The following RNF213 variants were observed in gnomAD, a reference collection of about 807,000 sequenced individuals.
RNF213 encodes the protein ring finger protein 213.
RNF213 carries 341 observed loss-of-function variants against 514.4 expected under a neutral mutation model. The ratio of observed to expected loss-of-function variants is 0.66; its 90% CI spans 0.61 to 0.73. The LOEUF (loss-of-function observed/expected upper bound fraction) is 0.73. RNF213 is among the 30% of genes least tolerant of loss of function. RNF213 has a pLI of 0.00. For synonymous variants in RNF213, 2,655 were observed against 2,658.2 expected (o/e 1.00, Z 0.04); for missense variants, 5,767 against 6,615.6 (o/e 0.87, Z 4.45).
In RNF213 at chr17:80,382,997, CAG is replaced by C; in HGVS notation, c.13999_14000del (p.Glu4667IlefsTer4). 6.2e-7 allele frequency: 1 copy of C among 1,613,378 alleles called. No homozygotes were observed. The highest frequency in any genetic ancestry group is 8.5e-7 in the Non-Finnish European group (1 of 1,179,400). ...TTTGTAGGGCTTTTAAATTTTGACA[CAG>C]AATTGTCAACTAAAGAAATGAGGAA... On this transcript the variant is annotated frameshift_variant, in exon 58 of 68. Coordinates refer to ENST00000582970, the MANE Select transcript of RNF213 (RefSeq NM_001256071.3). LOFTEE classifies it high-confidence loss of function.
intron 21 of RNF213, 35 bp downstream of exon 21, chr17:80,332,666 G>A: frequency 1.4e-6 from 2 of 1,456,210 alleles, no homozygotes; most frequent in Non-Finnish European, 1.8e-6. Flanking sequence ...GGGGTTTGGA[G>A]GGGCGTCCTG....
Position 80,371,851 on chromosome 17 carries a change from GAAT to G in RNF213, c.12426-18_12426-16del, listed in dbSNP as rs764358749. 5 of 1,193,658 alleles carry G rather than the reference GAAT, an allele frequency of 4.2e-6. No homozygotes were observed. The highest frequency in any genetic ancestry group is 3.8e-6 in the Non-Finnish European group (3 of 799,890). 73.9% of individuals were successfully genotyped at this position (1,193,658 alleles called of 1,614,324 possible). ...ATGTCTCCAGATCTGAGAGAACCAG[GAAT>G]AATATTTCTCTTTCTGCAGCTTTCA... On this transcript the variant is annotated intron_variant, in intron 46 of 67. Transcript: ENST00000582970.
In RNF213 at chr17:80,319,205, C is replaced by T. The variant is rs750386894; in HGVS notation, c.2917C>T (p.Gln973Ter). Reference protein sequence around the residue: ...WRLTKEEPLSQITAYCNSCWD... With the variant: ...WRLTKEEPLS Reference sequence around the variant, plus strand: ...ATTTTTGCAGGAGGAACCCCTCTCCCAGATCACTGCCTACTGCAATAGTTG... The same window carrying T: ...ATTTTTGCAGGAGGAACCCCTCTCCTAGATCACTGCCTACTGCAATAGTTG... Residue 973 changes from glutamine to a stop codon, truncating the protein, a stop_gained, in exon 17 of 68, where the codon CAG becomes TAG. Coordinates refer to ENST00000582970, the MANE Select transcript of RNF213 (RefSeq NM_001256071.3). LOFTEE classifies it high-confidence loss of function. The T allele has an allele frequency of 2.5e-6, 4 of 1,614,102 alleles. No individual in the cohort carries two copies. In the African/African-American group the frequency reaches 5.3e-5, roughly 22 times the overall value.
chr17:80,352,322 C>T (rs1050119342), intron 32 of RNF213: 6 of 210,290 alleles, frequency 2.9e-5, no homozygotes, highest in Non-Finnish European at 4.8e-5. Context: ...TGGGAGGCTG[C>T]GTGCACCTCT....
rs1156945935 is a variant in RNF213, at chr17:80,353,862, G to A, written c.10579-157G>A. On this transcript the variant is annotated intron_variant, in intron 34 of 67. Transcript: ENST00000582970. The surrounding 1 kb of genome is among the most constrained non-coding windows in gnomAD (Gnocchi z 5.0). The stretch of plus-strand genomic sequence containing the variant: ...CAAGGGCATCTGCACCGGCAGTTTG[G>A]GGGGTGCAGGGCGGAGGTCGGCGTC... 3.4e-6 allele frequency: 4 copies of A among 1,193,406 alleles called. No homozygotes were observed. Among genetic ancestry groups the A allele is most frequent in the Non-Finnish European group, 4.8e-6 (4 of 826,936 alleles). The allele number at this position is 1,193,406 out of a possible 1,614,324, so 73.9% of individuals were successfully genotyped here.
intron 20 of RNF213, among the ~76,000 whole-genome samples, chr17:80,330,815 G>A (rs887947009): frequency 6.6e-6 from 1 of 152,178 alleles, no homozygotes; most frequent in East Asian, 1.9e-4. Flanking sequence ...TGGTGTGCTG[G>A]ATGGACCATG....
At chr17:80,332,732 C>T (rs2046450360) in intron 21 of RNF213, 101 bp downstream of exon 21, 2 of 1,337,344 alleles carry the variant, frequency 1.5e-6, no homozygotes, top group African/African-American at 3.0e-5. Flanking sequence ...GGGCGGATGA[C>T]TTAGAGCTTC....
chr17:80,294,830 A>G lies in RNF213; in HGVS notation c.1582A>G (p.Ile528Val), dbSNP rs758918116. Residue 528 changes from isoleucine to valine, a missense_variant, in exon 9 of 68, where the codon ATT becomes GTT. Coordinates refer to ENST00000582970, the MANE Select transcript of RNF213 (RefSeq NM_001256071.3). ...PRKDLVKGKQ[I>V]AAALMLDSTF... The stretch of plus-strand genomic sequence containing the variant: ...GAAGGACCTGGTGAAGGGGAAGCAG[A>G]TTGCCGCTGCGCTCATGCTGGACAG... The G allele has an allele frequency of 1.9e-6, 3 of 1,614,172 alleles. No homozygotes were observed. Among genetic ancestry groups the G allele is most frequent in the Admixed American group, 3.3e-5 (2 of 60,004 alleles).
rs370868819 is a variant in RNF213, at chr17:80,286,205, G to A, written c.262-1610G>A. ...TGGTGGCCTGGGGTTGGTGTCGGAC[G>A]CAGGCCGGTGTTGGACGCAGGCCGA... On this transcript the variant is annotated intron_variant, in intron 3 of 67. Coordinates refer to ENST00000582970, the MANE Select transcript of RNF213 (RefSeq NM_001256071.3). 2.8e-4 allele frequency among the ~76,000 whole-genome samples: 42 copies of A among 151,978 alleles called. No individual in the cohort carries two copies. The East Asian group carries it at 7.4e-3, about 27-fold the overall frequency.
rs1357750739 is a variant in RNF213, at chr17:80,289,834, C to G, written c.1109C>G (p.Ala370Gly). The change falls in exon 6 of 68, where the codon GCA becomes GGA. Residue 370 changes from alanine to glycine, a missense_variant. Transcript: ENST00000582970. ...NQEADVQEVK[A>G]STLSPGGGVT... ...GAAGCAGATGTCCAGGAAGTGAAGG[C>G]AAGGTAGGGATGCCCCCGCAGGGGA... 2 of 1,608,262 alleles carry G rather than the reference C, an allele frequency of 1.2e-6. No homozygotes were observed. Among genetic ancestry groups the G allele is most frequent in the Admixed American group, 3.4e-5 (2 of 59,030 alleles).
At chr17:80,363,353 G>T (rs2079125749) in intron 40 of RNF213, 39 bp downstream of exon 40, 1 of 1,590,004 alleles carries the variant, frequency 6.3e-7, no homozygotes, top group Non-Finnish European at 8.6e-7. Context: ...AAGCCTTGTG[G>T]TGCTTCCAAC....
rs144576944 is a variant in RNF213, at chr17:80,366,911, A to G, written c.11872-837A>G. Among the ~76,000 whole-genome samples the G allele has an allele frequency of 5.6e-4, 85 of 152,338 alleles. 1 individual carries two copies. Among genetic ancestry groups the G allele is most frequent in the Middle Eastern group, 6.8e-3 (2 of 294 alleles). On this transcript the variant is annotated intron_variant, in intron 42 of 67. Transcript: ENST00000582970. ...ATTCCATTAGTACAGCCATTAAACT[A>G]TCTTGTACAGTGATGATGTGTATTG...
intron 3 of RNF213, among the ~76,000 whole-genome samples, chr17:80,279,676 C>T (rs971340152): frequency 6.6e-6 from 1 of 152,058 alleles, no homozygotes; most frequent in African/African-American, 2.4e-5. Flanking sequence ...ACCATGTTGG[C>T]CAGGCTGGTC....
chr17:80,379,478 C>A, intron 54 of RNF213, 142 bp from the exon 55 acceptor site: 2 of 814,824 alleles, frequency 2.5e-6, no homozygotes, highest in Non-Finnish European at 4.2e-6. Flanking sequence ...GGTTCTCCAC[C>A]CACCCGAAAC....
At chr17:80,355,618 T>TGACC (rs2078757576) in intron 36 of RNF213, among the ~76,000 whole-genome samples, 1 of 2,950 alleles carries the variant, frequency 3.4e-4, no homozygotes, top group Non-Finnish European at 6.2e-4. Flanking sequence ...GCGGGGTGAG[T>TGACC]GGGAATGGGG....
intron 61 of RNF213, 97 bp downstream of exon 61, chr17:80,385,718 C>G: frequency 9.9e-7 from 1 of 1,014,118 alleles, no homozygotes. Context: ...TGTCAACACC[C>G]AGCACTGTGT....
intron 26 of RNF213, 108 bp downstream of exon 26, chr17:80,340,464 G>A: frequency 9.1e-7 from 1 of 1,099,314 alleles, no homozygotes; most frequent in African/African-American, 1.5e-5. Context: ...CCGAGGCTCA[G>A]GGAGGGTGTG....
intron 54 of RNF213, among the ~76,000 whole-genome samples, chr17:80,378,726 C>T (rs78639507): frequency 0.04 from 6,102 of 152,176 alleles, 426 homozygotes; most frequent in African/African-American, 0.14. Context: ...AATGAGGACG[C>T]TGAAATAGAG....
At chr17:80,274,905 T>G (rs1232151457) in intron 3 of RNF213, among the ~76,000 whole-genome samples, 17 of 21,564 alleles carry the variant, frequency 7.9e-4, no homozygotes, top group South Asian at 5.6e-3. Flanking sequence ...GTGTTGGGGG[T>G]GTGTGAGTGG....
Sources: allele counts gnomAD v4.1 joint callset (sites outside exome capture counted in the v4.1 genomes callset), GRCh38; gene constraint gnomAD v4.1.1; non-coding constraint Gnocchi (gnomAD v3.1); transcripts MANE v1.5; gene names NCBI Gene and HGNC (gene_info 2026-07-23, HGNC 2026-07-21).